TTLL12: variants seen among roughly 807,000 people sequenced by gnomAD.
The protein encoded by TTLL12 is tubulin--tyrosine ligase-like protein 12.
Under a neutral mutation model 79.6 loss-of-function variants are expected in TTLL12, and 77 were observed. The observed-to-expected ratio is 0.97, with a 90% CI of 0.81 to 1.17. TTLL12 has a LOEUF of 1.17. TTLL12 is among the 50% of genes most tolerant of loss of function. The probability of loss-of-function intolerance (pLI) is 0.00; values close to 1 mark genes in which losing one functional copy is unlikely to be tolerated. For missense variants in TTLL12, 969 were observed against 895.9 expected (o/e 1.08, Z -1.04); for synonymous variants, 437 against 376.1 (o/e 1.16, Z -1.87).
chr22:43,175,511 G>C (rs1486217719), intron 6 of TTLL12: 1 of 152,216 alleles, frequency 6.6e-6, no homozygotes, highest in African/African-American at 2.4e-5. Flanking sequence ...AAGCGGAGCA[G>C]CCCCATGACA....
chr22:43,170,668 T>C (rs1446600987), intron 11 of TTLL12, among the ~76,000 whole-genome samples: 2 of 152,200 alleles, frequency 1.3e-5, no homozygotes, highest in Non-Finnish European at 1.5e-5. Context: ...CCCAGCACTT[T>C]AGGAGGCTGA....
intron 1 of TTLL12, among the ~76,000 whole-genome samples, chr22:43,186,345 C>A (rs763509990): frequency 2.0e-5 from 3 of 152,210 alleles, no homozygotes; most frequent in Non-Finnish European, 4.4e-5. Flanking sequence ...AGGGAGAGAA[C>A]CTAGAGGCTT....
At chr22:43,185,247 TTATATATATA>T (rs3985927) in intron 1 of TTLL12, among the ~76,000 whole-genome samples, 4,865 of 114,954 alleles carry the variant, frequency 0.042, 211 homozygotes, top group Middle Eastern at 0.049. Context: ...AAGAAAAAAA[TTATATATATA>T]TATATATATA....
At chr22:43,168,623 TG>T in intron 13 of TTLL12, 150 bp downstream of exon 13, 1 of 1,145,746 alleles carries the variant, frequency 8.7e-7, no homozygotes, top group Non-Finnish European at 1.2e-6. Flanking sequence ...GCACTTCCTG[TG>T]GGCCAAGCCA....
intron 5 of TTLL12, among the ~76,000 whole-genome samples, chr22:43,177,959 G>A (rs1003104840): frequency 3.3e-5 from 5 of 152,204 alleles, no homozygotes; most frequent in South Asian, 4.1e-4. Context: ...ACAAGGATGC[G>A]TGGCCTTGTA....
At chr22:43,186,261 A>G (rs948122532) in intron 1 of TTLL12, among the ~76,000 whole-genome samples, 2 of 147,210 alleles carry the variant, frequency 1.4e-5, no homozygotes, top group African/African-American at 5.0e-5. Context: ...TCCAGGGCTC[A>G]TCCCCAGCCA....
rs1437717992 is a variant in TTLL12, at chr22:43,180,878, T to C, written c.410A>G (p.Gln137Arg). 1 of 1,612,882 alleles carries C rather than the reference T, an allele frequency of 6.2e-7. No individual in the cohort carries two copies. The highest frequency in any genetic ancestry group is 8.5e-7 in the Non-Finnish European group (1 of 1,179,906). Residue 137 changes from glutamine to arginine, a missense_variant, in exon 3 of 14, where the codon CAG becomes CGG. Gln to Arg is a conservative substitution (Grantham distance 43). Coordinates refer to ENST00000216129, the MANE Select transcript of TTLL12 (RefSeq NM_015140.4). ...CATGCGGTGCAGCAGCCCGGGCACC[T>C]GCTGCAGCTGCTGGCGCGCGTGCTC... ...RVEHARQQLQQVPGLLHRMAN... is the reference protein window; with the variant it reads ...RVEHARQQLQRVPGLLHRMAN...
At chr22:43,176,819 T>C (rs902155041) in intron 5 of TTLL12, among the ~76,000 whole-genome samples, 1 of 149,382 alleles carries the variant, frequency 6.7e-6, no homozygotes, top group Non-Finnish European at 1.5e-5. Context: ...AAGGGGCGCA[T>C]GGCTGCTCCT....
intron 2 of TTLL12, among the ~76,000 whole-genome samples, chr22:43,181,470 A>G (rs1157120862): frequency 6.6e-6 from 1 of 152,216 alleles, no homozygotes; most frequent in East Asian, 1.9e-4. Context: ...TCACCCACGC[A>G]GCCAGGTCTT....
Position 43,167,428 on chromosome 22 carries a change from G to A in TTLL12, c.*580C>T, listed in dbSNP as rs1236063838. 2.7e-5 allele frequency: 8 copies of A among 295,112 alleles called. No homozygotes were observed. The East Asian group carries it at 4.0e-4, about 15-fold the overall frequency. 18.3% of individuals were successfully genotyped at this position (295,112 alleles called of 1,614,324 possible). A position where few individuals can be genotyped will look rare whatever the true frequency, so the allele number is the denominator to read the frequency against. On this transcript the variant is annotated 3_prime_UTR_variant, in exon 14 of 14. Coordinates refer to ENST00000216129, the MANE Select transcript of TTLL12 (RefSeq NM_015140.4). ...GGTGAGCTGGAATGGGTGATAAGGCGGGCTTGCTGGGTGGTGGCCTCAGGC... is the reference window on the plus strand; with the variant it reads ...GGTGAGCTGGAATGGGTGATAAGGCAGGCTTGCTGGGTGGTGGCCTCAGGC...
intron 5 of TTLL12, among the ~76,000 whole-genome samples, chr22:43,178,753 A>G (rs1211312745): frequency 6.6e-6 from 1 of 152,140 alleles, no homozygotes; most frequent in Non-Finnish European, 1.5e-5. Flanking sequence ...CCTCAGCTGG[A>G]CTCCAGCTCT....
In TTLL12 at chr22:43,179,919, C is replaced by T. The variant is rs765091372; in HGVS notation, c.628G>A (p.Ala210Thr). 26 of 1,610,884 alleles carry T rather than the reference C, an allele frequency of 1.6e-5. No homozygotes were observed. Among genetic ancestry groups the T allele is most frequent in the Admixed American group, 5.0e-5 (3 of 59,960 alleles). The change falls in exon 4 of 14, where the codon GCC becomes ACC. Residue 210 changes from alanine to threonine, a missense_variant. Physicochemically the swap from Ala to Thr is moderately conservative, Grantham distance 58 (BLOSUM62 0). Coordinates refer to ENST00000216129, the MANE Select transcript of TTLL12 (RefSeq NM_015140.4). ...RIQHADVPSF[A>T]TAPFFYMPQQ... ...GGCATGTAGAAGAAGGGTGCCGTGGCGAAGCTGGGCACGTCCGCGTGCTGG... is the reference window on the plus strand; with the variant it reads ...GGCATGTAGAAGAAGGGTGCCGTGGTGAAGCTGGGCACGTCCGCGTGCTGG...
At chr22:43,186,759 A>C in intron 1 of TTLL12, 134 bp downstream of exon 1, 3 of 906,248 alleles carry the variant, frequency 3.3e-6, no homozygotes, top group Non-Finnish European at 4.3e-6. Context: ...GCCGCTCCAG[A>C]GCTGCCCAGG....
In TTLL12 at chr22:43,176,414, G is replaced by C; in HGVS notation, c.841-18C>G. Reference sequence around the variant, plus strand: ...AGAATGGCCTAAAAGGAAACACACCGGAAGTAGAGATGAGGTCAAGGAAGG... The same window carrying C: ...AGAATGGCCTAAAAGGAAACACACCCGAAGTAGAGATGAGGTCAAGGAAGG... On this transcript the variant is annotated intron_variant, in intron 5 of 13. Coordinates refer to ENST00000216129, the MANE Select transcript of TTLL12 (RefSeq NM_015140.4). The C allele has an allele frequency of 6.3e-7, 1 of 1,593,958 alleles. No individual in the cohort carries two copies. Among genetic ancestry groups the C allele is most frequent in the Non-Finnish European group, 8.5e-7 (1 of 1,170,656 alleles).
Position 43,167,460 on chromosome 22 carries a change from T to C in TTLL12, c.*548A>G, listed in dbSNP as rs1931644938. ...CTGGGTGGTGGCCTCAGGCTGTTCC[T>C]GGGCCCCTGTCGCATAGAGCCCTGT... On this transcript the variant is annotated 3_prime_UTR_variant, in exon 14 of 14. Coordinates refer to ENST00000216129, the MANE Select transcript of TTLL12 (RefSeq NM_015140.4). 2 of 276,016 alleles carry C rather than the reference T, an allele frequency of 7.2e-6. No individual in the cohort carries two copies. The highest frequency in any genetic ancestry group is 5.1e-5 in the Admixed American group (1 of 19,478). The allele number at this position is 276,016 out of a possible 1,614,324, so 17.1% of individuals were successfully genotyped here. A position where few individuals can be genotyped will look rare whatever the true frequency, so the allele number is the denominator to read the frequency against.
rs575401675 is a variant in TTLL12 at position 43,179,411 on chromosome 22, T to C, written c.840+208A>G. Among the ~76,000 whole-genome samples, 171 of 152,028 alleles carry C rather than the reference T, an allele frequency of 1.1e-3. No homozygotes were observed. The Middle Eastern group carries it at 0.044, about 39-fold the overall frequency. ...GATGCCAGCACCAGGCACCCTGGGATCTGGAGCCCCCACCGTGCAGCCACA... is the reference window on the plus strand; with the variant it reads ...GATGCCAGCACCAGGCACCCTGGGACCTGGAGCCCCCACCGTGCAGCCACA... On this transcript the variant is annotated intron_variant, in intron 5 of 13. Coordinates refer to ENST00000216129, the MANE Select transcript of TTLL12 (RefSeq NM_015140.4).
In TTLL12 at chr22:43,166,828, A is replaced by G; in HGVS notation, c.*1180T>C. On this transcript the variant is annotated 3_prime_UTR_variant, in exon 14 of 14. Transcript: ENST00000216129. ...GAGGAGAGGCAGCATCATCAGGTGC[A>G]GCTTTGCTACAAGAAAGATAGTTCT... The G allele has an allele frequency of 5.5e-6, 1 of 181,952 alleles. No homozygotes were observed. The highest frequency in any genetic ancestry group is 1.2e-5 in the Non-Finnish European group (1 of 85,694). The allele number at this position is 181,952 out of a possible 1,614,324, so 11.3% of individuals were successfully genotyped here.
At chr22:43,172,295 T>G in intron 10 of TTLL12, 108 bp downstream of exon 10, 3 of 1,359,850 alleles carry the variant, frequency 2.2e-6, no homozygotes, top group Admixed American at 2.0e-5. Context: ...TGATGGAGGG[T>G]GCCTTCCAAC....
Position 43,179,678 on chromosome 22 carries a change from G to T in TTLL12, c.781C>A (p.Pro261Thr). The T allele has an allele frequency of 6.3e-7, 1 of 1,576,624 alleles. No individual in the cohort carries two copies. Among genetic ancestry groups the T allele is most frequent in the South Asian group, 1.2e-5 (1 of 85,940 alleles). ...IRKCMLLPWA[P>T]TDMLDLSSCT... ...GAGCTGAGGTCCAGCATGTCGGTGGGGGCCCAGGGCAGCAGCATGCACTTC... is the reference window on the plus strand; with the variant it reads ...GAGCTGAGGTCCAGCATGTCGGTGGTGGCCCAGGGCAGCAGCATGCACTTC... Residue 261 changes from proline to threonine, a missense_variant, in exon 5 of 14, where the codon CCC (proline) becomes ACC (threonine). By Grantham distance (38) the Pro-to-Thr change is conservative. Coordinates refer to ENST00000216129, the MANE Select transcript of TTLL12 (RefSeq NM_015140.4).
Sources: gnomAD v4.1 joint callset for allele counts (sites outside exome capture counted in the v4.1 genomes callset) on GRCh38, gnomAD v4.1.1 for gene constraint, MANE v1.5 for transcripts, NCBI Gene and HGNC (gene_info 2026-07-23, HGNC 2026-07-21) for gene names.